Variants in MARCHF2 observed in about 807,000 individuals in gnomAD.
The protein encoded by MARCHF2 is E3 ubiquitin-protein ligase MARCHF2.
MARCHF2 carries 22 observed loss-of-function variants against 24.0 expected under a neutral mutation model. That is an observed-to-expected ratio of 0.92 (90% CI 0.66 to 1.31). MARCHF2 has a LOEUF of 1.31. Ranked by LOEUF, MARCHF2 falls within the 50% of genes most tolerant of loss-of-function variation. The pLI, the probability that MARCHF2 is intolerant of heterozygous loss-of-function variation, is 0.00. For missense variants in MARCHF2, 301 were observed against 335.3 expected, an observed-to-expected ratio of 0.90 and a Z score of 0.80; for synonymous variants, 154 against 153.0, an observed-to-expected ratio of 1.01 and a Z score of -0.05.
chr19:8,419,899 C>G (rs1967186113), intron 1 of MARCHF2, among the ~76,000 whole-genome samples: 1 of 149,562 alleles, frequency 6.7e-6, no homozygotes, highest in East Asian at 1.9e-4. Context: ...TGGCTCACAC[C>G]TGTAATCCTA....
chr19:8,420,160 A>AAAATAAAT (rs74176647), intron 1 of MARCHF2, among the ~76,000 whole-genome samples: 2,107 of 130,536 alleles, frequency 0.016, 29 homozygotes, highest in South Asian at 0.043. Context: ...TCCGTCTCAA[A>AAAATAAAT]AAATAAATAA....
At chr19:8,438,248 G>A (rs1012045379) in intron 4 of MARCHF2, 140 bp from the exon 5 acceptor site, 1 of 831,730 alleles carries the variant, frequency 1.2e-6, no homozygotes, top group Non-Finnish European at 1.9e-6. Flanking sequence ...GCACTTTGTG[G>A]GAGGAATGTT....
At chr19:8,438,058 G>A (rs542418524) in intron 4 of MARCHF2, among the ~76,000 whole-genome samples, 3 of 152,176 alleles carry the variant, frequency 2.0e-5, no homozygotes, top group South Asian at 4.2e-4. Flanking sequence ...GAGCCACCTC[G>A]CCCGGCCTGA....
At chr19:8,417,925 G>C (rs1468127713) in intron 1 of MARCHF2, among the ~76,000 whole-genome samples, 1 of 151,032 alleles carries the variant, frequency 6.6e-6, no homozygotes, top group East Asian at 2.0e-4. Flanking sequence ...AACATGCCTG[G>C]CTAATTTTTT....
chr19:8,420,490 C>G (rs967006718), intron 1 of MARCHF2, among the ~76,000 whole-genome samples: 1 of 147,650 alleles, frequency 6.8e-6, no homozygotes, highest in Non-Finnish European at 1.5e-5. Context: ...GAGCTGAGAT[C>G]GTGCCACTGC....
intron 2 of MARCHF2, chr19:8,423,369 A>C (rs1967307884): frequency 6.6e-6 from 1 of 151,958 alleles, no homozygotes; most frequent in East Asian, 1.9e-4. Context: ...CTCTTCTCTG[A>C]ATTTGCTCTC....
chr19:8,426,786 G>A lies in MARCHF2; in HGVS notation c.354G>A (p.Arg118=). The change falls in exon 3 of 5, where the codon CGG becomes CGA. Residue 118 remains arginine (R), a synonymous_variant. Coordinates refer to ENST00000215555, the MANE Select transcript of MARCHF2 (RefSeq NM_001005415.2). ...LCHTEFAVEK[R]PRPLTEWLKD... ...ACACGGAGTTTGCAGTGGAGAAACG[G>A]CCTCGACCCCTCACAGAGGTACCCT... The A allele has an allele frequency of 6.2e-7, 1 of 1,612,182 alleles. No homozygotes were observed. Among genetic ancestry groups the A allele is most frequent in the Non-Finnish European group, 8.5e-7 (1 of 1,179,984 alleles).
rs112994394 is a variant in MARCHF2 at position 8,437,756 on chromosome 19, T to C, written c.583-632T>C. On this transcript the variant is annotated intron_variant, in intron 4 of 4. Transcript: ENST00000215555. Reference sequence around the variant, plus strand: ...ATGTGACTGATTTACATTAAAAAAATTTTTTTGAGACAGGGTCTCACTCTG... The same window carrying C: ...ATGTGACTGATTTACATTAAAAAAACTTTTTTGAGACAGGGTCTCACTCTG... 8.7e-3 allele frequency among the ~76,000 whole-genome samples: 1,301 copies of C among 150,078 alleles called. 23 individuals carry two copies. The highest frequency in any genetic ancestry group is 0.03 in the African/African-American group (1,226 of 40,710).
intron 4 of MARCHF2, among the ~76,000 whole-genome samples, chr19:8,432,701 G>A (rs1222659901): frequency 6.6e-6 from 1 of 151,830 alleles, no homozygotes; most frequent in Non-Finnish European, 1.5e-5. Context: ...TGAGTCAGGA[G>A]GATCACTTGA....
intron 1 of MARCHF2, among the ~76,000 whole-genome samples, chr19:8,416,665 C>G (rs1555692279): frequency 6.6e-6 from 1 of 152,050 alleles, no homozygotes; most frequent in South Asian, 2.1e-4. Flanking sequence ...AACCTGGGTG[C>G]AAGCGATTCT....
At chr19:8,433,688 AAAAAAG>A (rs1334741677) in intron 4 of MARCHF2, among the ~76,000 whole-genome samples, 22 of 151,486 alleles carry the variant, frequency 1.5e-4, no homozygotes, top group Admixed American at 5.9e-4. Context: ...AAAAAAAAAA[AAAAAAG>A]AAAAGAAAAG....
At chr19:8,420,535 CAAAAAAAAA>C (rs767779814) in intron 1 of MARCHF2, among the ~76,000 whole-genome samples, 1 of 66,786 alleles carries the variant, frequency 1.5e-5, no homozygotes, top group Non-Finnish European at 3.4e-5. Flanking sequence ...AACTCTGTCT[CAAAAAAAAA>C]AAAAAAAAAA....
intron 1 of MARCHF2, among the ~76,000 whole-genome samples, chr19:8,417,011 A>G (rs1967102354): frequency 6.6e-6 from 1 of 151,594 alleles, no homozygotes; most frequent in Non-Finnish European, 1.5e-5. Flanking sequence ...AGAAGCTGCT[A>G]GTATAATTTT....
At chr19:8,426,586 A>G in intron 2 of MARCHF2, 23 bp from the exon 3 acceptor site, 1 of 1,605,462 alleles carries the variant, frequency 6.2e-7, no homozygotes, top group East Asian at 2.2e-5. Context: ...ATCATTGCTC[A>G]TGGGTCCTAT....
intron 4 of MARCHF2, among the ~76,000 whole-genome samples, chr19:8,433,524 A>G (rs1212906090): frequency 6.6e-6 from 1 of 151,978 alleles, no homozygotes; most frequent in Non-Finnish European, 1.5e-5. Context: ...TAAAAATACA[A>G]AATTAGCTGT....
intron 4 of MARCHF2, among the ~76,000 whole-genome samples, chr19:8,434,148 A>G (rs1967653530): frequency 6.8e-6 from 1 of 146,596 alleles, no homozygotes; most frequent in Non-Finnish European, 1.5e-5. Context: ...GCAGTGGCAC[A>G]ATGTTGGCTC....
intron 4 of MARCHF2, among the ~76,000 whole-genome samples, chr19:8,435,828 C>CTGTTTG (rs1555694582): frequency 1.4e-5 from 2 of 141,068 alleles, no homozygotes; most frequent in Non-Finnish European, 3.1e-5. Context: ...TGCACCTGGC[C>CTGTTTG]TGTGTGTGTG....
Position 8,438,727 on chromosome 19 carries a change from GGGT to G in MARCHF2, c.*182_*184del. Reference sequence around the variant, plus strand: ...GTGATCCTGTGTGAAGATATTTTCAGGGTTTTTTTTTTTTTTTTTTTGCATATG... The same window carrying G: ...GTGATCCTGTGTGAAGATATTTTCAGTTTTTTTTTTTTTTTTTTGCATATG... On this transcript the variant is annotated 3_prime_UTR_variant, in exon 5 of 5. Coordinates refer to ENST00000215555, the MANE Select transcript of MARCHF2 (RefSeq NM_001005415.2). 56 of 548,528 alleles carry G rather than the reference GGGT, an allele frequency of 1.0e-4. No individual in the cohort carries two copies. Among genetic ancestry groups the G allele is most frequent in the Middle Eastern group, 5.2e-4 (1 of 1,910 alleles). The allele number at this position is 548,528 out of a possible 1,614,324, so 34.0% of individuals were successfully genotyped here.
At chr19:8,421,114 GT>G (rs869244636) in intron 1 of MARCHF2, among the ~76,000 whole-genome samples, 1 of 148,244 alleles carries the variant, frequency 6.7e-6, no homozygotes. Context: ...TAGCTTTCCT[GT>G]TTTTTTTGGG....
Sources: gnomAD v4.1 joint callset for allele counts (sites outside exome capture counted in the v4.1 genomes callset) on GRCh38, gnomAD v4.1.1 for gene constraint, MANE v1.5 for transcripts, NCBI Gene and HGNC (gene_info 2026-07-23, HGNC 2026-07-21) for gene names.